Variants in EPB41L3 observed in about 807,000 individuals in gnomAD.
EPB41L3 encodes the protein erythrocyte membrane protein band 4.1 like 3.
EPB41L3 carries 57 observed loss-of-function variants against 127.1 expected under a neutral mutation model. The ratio of observed to expected loss-of-function variants is 0.45; its 90% CI spans 0.36 to 0.56. EPB41L3 has a LOEUF of 0.56. EPB41L3 is among the 20% of genes least tolerant of loss of function. EPB41L3 has a pLI of 0.00. For missense variants in EPB41L3, 1,273 were observed against 1,372.2 expected (o/e 0.93, Z 1.14); for synonymous variants, 572 against 549.5 (o/e 1.04, Z -0.57).
chr18:5,497,589 T>A (rs1202449535), intron 1 of EPB41L3, among the ~76,000 whole-genome samples: 1 of 152,180 alleles, frequency 6.6e-6, no homozygotes, highest in Non-Finnish European at 1.5e-5. Flanking sequence ...GCAGGGAGAC[T>A]ACCAACAAAC....
Position 5,415,867 on chromosome 18 carries a change from G to A in EPB41L3, c.2018C>T (p.Ser673Phe), listed in dbSNP as rs1216807795. ...CLCYLEPKAASLSASLDNDPS... is the reference protein window; with the variant it reads ...CLCYLEPKAAFLSASLDNDPS... ...GTCATTGTCTAGGGAGGCGCTCAAG[G>A]AGGCCGCCTTGGGCTCCAGGTAGCA... The change falls in exon 13 of 23, where the codon TCC becomes TTC. Residue 673 changes from serine (S) to phenylalanine (F), a missense_variant. Physicochemically the swap from Ser to Phe is radical, Grantham distance 155 (BLOSUM62 -2). Coordinates refer to ENST00000341928, the MANE Select transcript of EPB41L3 (RefSeq NM_012307.5). The A allele has an allele frequency of 2.5e-6, 4 of 1,613,624 alleles. No individual in the cohort carries two copies. Among genetic ancestry groups the A allele is most frequent in the Non-Finnish European group, 3.4e-6 (4 of 1,179,920 alleles).
chr18:5,588,140 A>T (rs911378851), intron 3 of EPB41L3, among the ~76,000 whole-genome samples: 9 of 152,176 alleles, frequency 5.9e-5, no homozygotes, highest in Non-Finnish European at 1.3e-4. Flanking sequence ...CAGAAGTTGC[A>T]AGGAGTCATA....
intron 3 of EPB41L3, among the ~76,000 whole-genome samples, chr18:5,611,192 T>C (rs948206394): frequency 1.3e-5 from 2 of 152,218 alleles, no homozygotes; most frequent in African/African-American, 4.8e-5. Context: ...AATATTTGCA[T>C]GCACATGTAC....
chr18:5,432,859 G>A (rs1449117438), intron 8 of EPB41L3, among the ~76,000 whole-genome samples: 1 of 152,140 alleles, frequency 6.6e-6, no homozygotes, highest in Non-Finnish European at 1.5e-5. Context: ...CCTTATTTCA[G>A]AGCTCTGATT....
intron 2 of EPB41L3, among the ~76,000 whole-genome samples, chr18:5,488,469 T>G (rs1309153905): frequency 6.6e-6 from 1 of 151,910 alleles, no homozygotes; most frequent in African/African-American, 2.4e-5. Flanking sequence ...ATGTAGATGA[T>G]GGATTGATGG....
intron 6 of EPB41L3, 32 bp from the exon 7 acceptor site, chr18:5,434,153 G>C: frequency 6.3e-7 from 1 of 1,577,162 alleles, no homozygotes; most frequent in Non-Finnish European, 8.7e-7. Context: ...ACACAACGAA[G>C]GCAGCATGAG....
At chr18:5,473,130 G>C (rs1033734309) in intron 3 of EPB41L3, among the ~76,000 whole-genome samples, 2 of 151,990 alleles carry the variant, frequency 1.3e-5, no homozygotes, top group Non-Finnish European at 2.9e-5. Context: ...TGCTCTCATT[G>C]ATTTGCCCCA....
intron 3 of EPB41L3, among the ~76,000 whole-genome samples, chr18:5,447,654 C>T (rs2081688586): frequency 1.3e-5 from 2 of 152,102 alleles, no homozygotes; most frequent in African/African-American, 2.4e-5. Flanking sequence ...ACGGAGGAAT[C>T]GTTTCTGAAT....
intron 3 of EPB41L3, chr18:5,577,193 A>G: frequency 4.2e-6 from 1 of 237,414 alleles, no homozygotes; most frequent in Non-Finnish European, 8.4e-6. Context: ...ATCATGCACG[A>G]AAGAAGAATT....
At chr18:5,436,510 G>A (rs1048538114) in intron 6 of EPB41L3, among the ~76,000 whole-genome samples, 14 of 143,412 alleles carry the variant, frequency 9.8e-5, no homozygotes, top group African/African-American at 3.0e-4. Context: ...CCAGGTTCAC[G>A]CCATTCTCCT....
At chr18:5,517,341 G>A (rs1176380832) in intron 1 of EPB41L3, among the ~76,000 whole-genome samples, 3 of 151,996 alleles carry the variant, frequency 2.0e-5, no homozygotes, top group South Asian at 2.1e-4. Context: ...ACAATGTCAA[G>A]TTTTCTGGGT....
At chr18:5,401,143 T>C (rs2074434788) in intron 16 of EPB41L3, 1 of 584,722 alleles carries the variant, frequency 1.7e-6, no homozygotes, top group African/African-American at 1.8e-5. Flanking sequence ...TCTCTATCTA[T>C]CTATCATCTC....
At chr18:5,614,557 C>G (rs2094769132) in intron 1 of EPB41L3, 1 of 152,192 alleles carries the variant, frequency 6.6e-6, no homozygotes, top group Non-Finnish European at 1.5e-5. Context: ...AAGGCCTTCT[C>G]TGCTGCTTTA....
chr18:5,410,793 C>G (rs1292953376), intron 13 of EPB41L3, among the ~76,000 whole-genome samples, 174 bp from the exon 14 acceptor site: 1 of 152,084 alleles, frequency 6.6e-6, no homozygotes, highest in African/African-American at 2.4e-5. Flanking sequence ...ACAGAAGGGC[C>G]AGAGCTAGGT....
intron 1 of EPB41L3, among the ~76,000 whole-genome samples, chr18:5,522,931 A>AT (rs772379850): frequency 1.9e-4 from 28 of 150,580 alleles, no homozygotes; most frequent in African/African-American, 3.6e-4. Flanking sequence ...TATTGCTAAA[A>AT]TTTTTTTTTT....
At position 5,428,557 on chromosome 18, in the gene EPB41L3, A is replaced by G. The variant is rs1291531526; in HGVS notation, c.913-92T>C. 5 of 1,454,944 alleles carry G rather than the reference A, an allele frequency of 3.4e-6. No homozygotes were observed. In the African/African-American group the frequency reaches 7.1e-5, roughly 21 times the overall value. 90.1% of individuals were successfully genotyped at this position (1,454,944 alleles called of 1,614,324 possible). A position where few individuals can be genotyped will look rare whatever the true frequency, so the allele number is the denominator to read the frequency against. Reference sequence around the variant, plus strand: ...TATTTAAGCATCCACGACAGAAACTATAAATGGCTGGTTTACTTATGCAAA... The same window carrying G: ...TATTTAAGCATCCACGACAGAAACTGTAAATGGCTGGTTTACTTATGCAAA... On this transcript the variant is annotated intron_variant, in intron 8 of 22. Transcript: ENST00000341928.
Position 5,527,010 on chromosome 18 carries a change from T to TAA in EPB41L3, c.-12+16901_-12+16902dup, listed in dbSNP as rs33920388. 6.5e-3 allele frequency among the ~76,000 whole-genome samples: 906 copies of TAA among 139,720 alleles called. 12 individuals are homozygous for TAA. The highest frequency in any genetic ancestry group is 0.021 in the African/African-American group (798 of 38,434). The allele number at this position is 139,720 out of a possible 152,430, so 91.7% of individuals were successfully genotyped here. ...ACAAGACAATAGAATATTCATTGGTTAAAAAAAAAAAAAAAACTGTTTACC... is the reference window on the plus strand; with the variant it reads ...ACAAGACAATAGAATATTCATTGGTTAAAAAAAAAAAAAAAAAACTGTTTACC... On this transcript the variant is annotated intron_variant, in intron 1 of 22. Transcript: ENST00000341928.
chr18:5,610,275 C>G, intron 3 of EPB41L3: 1 of 985,362 alleles, frequency 1.0e-6, no homozygotes, highest in Non-Finnish European at 1.2e-6. Context: ...AGACATTGTT[C>G]AACAACTGAT....
At chr18:5,590,071 C>G (rs867840320) in intron 3 of EPB41L3, among the ~76,000 whole-genome samples, 1 of 152,050 alleles carries the variant, frequency 6.6e-6, no homozygotes, top group African/African-American at 2.4e-5. Context: ...CCACTGAGGG[C>G]GAAGGAGGAA....
Sources: gnomAD v4.1 joint callset for allele counts (sites outside exome capture counted in the v4.1 genomes callset) on GRCh38, gnomAD v4.1.1 for gene constraint, MANE v1.5 for transcripts, NCBI Gene and HGNC (gene_info 2026-07-23, HGNC 2026-07-21) for gene names.